The following RAD51B variants were observed in gnomAD, a reference collection of about 807,000 sequenced individuals.
RAD51B encodes the protein RAD51 paralog B.
RAD51B carries 38 observed loss-of-function variants against 42.2 expected under a neutral mutation model. The observed-to-expected ratio is 0.90, with a 90% CI of 0.70 to 1.18. The LOEUF is 1.18. RAD51B is among the 50% of genes most tolerant of loss of function. The probability of loss-of-function intolerance (pLI) is 0.00; values close to 1 mark genes in which losing one functional copy is unlikely to be tolerated. For synonymous variants in RAD51B, 154 were observed against 145.2 expected, an observed-to-expected ratio of 1.06 and a Z score of -0.43; for missense variants, 373 against 400.7, an observed-to-expected ratio of 0.93 and a Z score of 0.59.
chr14:68,495,821 G>C (rs1884469882), intron 10 of RAD51B, among the ~76,000 whole-genome samples: 1 of 152,174 alleles, frequency 6.6e-6, no homozygotes, highest in African/African-American at 2.4e-5. Flanking sequence ...CAAGCATTTG[G>C]ATATTAAGGG....
chr14:68,406,585 G>C (rs911296283), intron 8 of RAD51B, among the ~76,000 whole-genome samples: 4 of 152,130 alleles, frequency 2.6e-5, no homozygotes, highest in Non-Finnish European at 5.9e-5. Context: ...GAACATGAAG[G>C]CCTAGGACAC....
At chr14:67,985,231 T>C (rs532994789) in intron 7 of RAD51B, among the ~76,000 whole-genome samples, 62 of 152,334 alleles carry the variant, frequency 4.1e-4, no homozygotes, top group African/African-American at 1.4e-3. Context: ...AATACATATA[T>C]ATACATATTA....
Position 68,648,112 on chromosome 14 carries a change from C to CGTATATATACGT in RAD51B, c.1037-2660_1037-2659insCGTGTATATATA, listed in dbSNP as rs1555434149. 1.8e-4 allele frequency among the ~76,000 whole-genome samples: 7 copies of CGTATATATACGT among 39,510 alleles called. 1 individual carries two copies. The highest frequency in any genetic ancestry group is 3.2e-4 in the Non-Finnish European group (7 of 21,976). The allele number at this position is 39,510 out of a possible 152,430, so 25.9% of individuals were successfully genotyped here. A position where few individuals can be genotyped will look rare whatever the true frequency, so the allele number is the denominator to read the frequency against. ...GTGTGTGTATATATATATACACACA[C>CGTATATATACGT]GTATATATATATACACACACGTATA... On this transcript the variant is annotated intron_variant, in intron 10 of 11. Transcript: ENST00000488612.
chr14:68,182,173 C>T (rs1391087845), intron 7 of RAD51B, among the ~76,000 whole-genome samples: 1 of 152,184 alleles, frequency 6.6e-6, no homozygotes, highest in East Asian at 1.9e-4. Context: ...CCATCTTGTG[C>T]TTCAATTTAG....
chr14:68,562,523 A>G (rs1339010007), intron 10 of RAD51B: 1 of 985,298 alleles, frequency 1.0e-6, no homozygotes, highest in Non-Finnish European at 1.2e-6. Flanking sequence ...GGGTGGAGCC[A>G]GCACCCACAG....
chr14:68,420,968 G>T (rs2084684133), intron 9 of RAD51B, among the ~76,000 whole-genome samples: 1 of 152,176 alleles, frequency 6.6e-6, no homozygotes, highest in Admixed American at 6.5e-5. Flanking sequence ...TGCAATGAAT[G>T]GTCCTTATTA....
chr14:68,395,885 C>T (rs1038952853), intron 8 of RAD51B, among the ~76,000 whole-genome samples: 1 of 152,172 alleles, frequency 6.6e-6, no homozygotes, highest in African/African-American at 2.4e-5. Flanking sequence ...ATTTTTAACA[C>T]ATGATTCTTC....
intron 7 of RAD51B, among the ~76,000 whole-genome samples, chr14:68,128,891 C>T (rs772827086): frequency 5.9e-5 from 9 of 152,138 alleles, no homozygotes; most frequent in Non-Finnish European, 1.2e-4. Context: ...TTTCTTTACT[C>T]TGAAAGGTAA....
At chr14:68,430,836 A>C (rs1195125383) in intron 9 of RAD51B, among the ~76,000 whole-genome samples, 3 of 152,010 alleles carry the variant, frequency 2.0e-5, no homozygotes, top group Non-Finnish European at 4.4e-5. Flanking sequence ...GCCAGTTTTC[A>C]AAGGGAATGC....
chr14:68,610,843 A>ATGTGTGTGTG (rs60173412), intron 10 of RAD51B, among the ~76,000 whole-genome samples: 3,435 of 144,892 alleles, frequency 0.024, 47 homozygotes, highest in African/African-American at 0.034. Flanking sequence ...CTGAATGTAT[A>ATGTGTGTGTG]TGTGTGTGTG....
chr14:68,075,896 C>A (rs2076825874), intron 7 of RAD51B, among the ~76,000 whole-genome samples: 1 of 152,244 alleles, frequency 6.6e-6, no homozygotes, highest in Non-Finnish European at 1.5e-5. Context: ...GGCAGTCCTG[C>A]TGCAGCTGCA....
chr14:68,212,433 A>G (rs760622175), intron 7 of RAD51B, among the ~76,000 whole-genome samples: 1 of 152,224 alleles, frequency 6.6e-6, no homozygotes, highest in Non-Finnish European at 1.5e-5. Context: ...AGCAGCAACA[A>G]CAGCAGCACC....
intron 7 of RAD51B, among the ~76,000 whole-genome samples, chr14:68,094,954 C>T (rs1425461236): frequency 6.6e-6 from 1 of 152,158 alleles, no homozygotes; most frequent in Non-Finnish European, 1.5e-5. Context: ...GTGAAGCTCT[C>T]TGTAAGAAGG....
chr14:67,843,658 AGTT>A (rs1002808763), intron 4 of RAD51B, among the ~76,000 whole-genome samples: 29 of 151,504 alleles, frequency 1.9e-4, no homozygotes, highest in African/African-American at 6.5e-4. Context: ...CGTTTGTAGT[AGTT>A]CTCTGAGGGT....
intron 7 of RAD51B, among the ~76,000 whole-genome samples, chr14:68,276,557 A>G (rs2081228733): frequency 6.6e-6 from 1 of 152,196 alleles, no homozygotes; most frequent in African/African-American, 2.4e-5. Flanking sequence ...TTTTATTTCA[A>G]CTATGCTTCC....
intron 7 of RAD51B, among the ~76,000 whole-genome samples, chr14:68,039,040 C>CAGCAAACA (rs1237719440): frequency 6.6e-6 from 1 of 152,060 alleles, no homozygotes; most frequent in Non-Finnish European, 1.5e-5. Flanking sequence ...CCATGAAAAT[C>CAGCAAACA]AGCAAACACA....
chr14:68,068,803 A>T (rs2076695931), intron 7 of RAD51B, among the ~76,000 whole-genome samples: 1 of 152,194 alleles, frequency 6.6e-6, no homozygotes, highest in African/African-American at 2.4e-5. Context: ...CCATGGTTAC[A>T]TGACTTGGTT....
chr14:68,228,382 A>C (rs2080082986), intron 7 of RAD51B, among the ~76,000 whole-genome samples: 1 of 152,206 alleles, frequency 6.6e-6, no homozygotes, highest in Non-Finnish European at 1.5e-5. Context: ...CTTAATGAAA[A>C]GATTTTCTCT....
intron 7 of RAD51B, among the ~76,000 whole-genome samples, chr14:67,960,057 C>T (rs866886357): frequency 1.3e-5 from 2 of 151,326 alleles, no homozygotes; most frequent in Non-Finnish European, 2.9e-5. Context: ...TGCGCTACAG[C>T]CTGGGCAACA....
Sources: allele counts gnomAD v4.1 joint callset (sites outside exome capture counted in the v4.1 genomes callset), GRCh38; gene constraint gnomAD v4.1.1; transcripts MANE v1.5; gene names NCBI Gene and HGNC (gene_info 2026-07-23, HGNC 2026-07-21).